Variants in MAN1C1 observed in about 807,000 individuals in gnomAD.
The protein encoded by MAN1C1 is mannosidase alpha class 1C member 1, also known as mannosyl-oligosaccharide 1,2-alpha-mannosidase IC.
MAN1C1 carries 49 observed loss-of-function variants against 71.5 expected under a neutral mutation model. The ratio of observed to expected loss-of-function variants is 0.69; its 90% confidence interval spans 0.54 to 0.87. The LOEUF (loss-of-function observed/expected upper bound fraction) is 0.87. MAN1C1 is among the 40% of genes least tolerant of loss of function. The pLI, the probability that MAN1C1 is intolerant of heterozygous loss-of-function variation, is 0.00. For missense variants in MAN1C1, 743 were observed against 835.0 expected, an observed-to-expected ratio of 0.89 and a Z score of 1.36; for synonymous variants, 352 against 343.7, an observed-to-expected ratio of 1.02 and a Z score of -0.27.
rs1371398372 is a variant in MAN1C1 at position 25,631,580 on chromosome 1, T to A, written c.540+13243T>A. 6.6e-6 allele frequency among the ~76,000 whole-genome samples: 1 copy of A among 152,216 alleles called. No homozygotes were observed. Among genetic ancestry groups the A allele is most frequent in the Non-Finnish European group, 1.5e-5 (1 of 68,046 alleles). ...TTGTATATGTTAGACCATCCCTGCA[T>A]CCCTGCTATGAAACCCACTTGATCA... On this transcript the variant is annotated intron_variant, in intron 1 of 11. Transcript: ENST00000374332. This position sits in a 1 kb window ranked among gnomAD's most constrained non-coding sequence, Gnocchi z 4.2.
At position 25,749,321 on chromosome 1, in the gene MAN1C1, C is replaced by T. The variant is rs200880471; in HGVS notation, c.820C>T (p.Leu274=). The T allele has an allele frequency of 8.7e-6, 14 of 1,611,382 alleles. No individual in the cohort carries two copies. Among genetic ancestry groups the T allele is most frequent in the Non-Finnish European group, 1.2e-5 (14 of 1,178,562 alleles). Reference sequence around the variant, plus strand: ...CGGGGGACTCCTCTCAGCCTTCTACCTGACAGGAGAAGAGGTGGGTTGGCC... The same window carrying T: ...CGGGGGACTCCTCTCAGCCTTCTACTTGACAGGAGAAGAGGTGGGTTGGCC... ...YIGGLLSAFY[L]TGEEVFRIKA... is the part of the protein sequence containing the mutation. Residue 274 remains leucine, a synonymous_variant, in exon 4 of 12, where the codon CTG becomes TTG. Transcript: ENST00000374332.
At chr1:25,716,574 A>G (rs1270297347) in intron 2 of MAN1C1, among the ~76,000 whole-genome samples, 19 of 152,058 alleles carry the variant, frequency 1.2e-4, no homozygotes, top group Admixed American at 1.2e-3. Context: ...CAATCCGCCC[A>G]CCTTGGCCTC....
At chr1:25,626,228 C>A (rs930317466) in intron 1 of MAN1C1, among the ~76,000 whole-genome samples, 2 of 152,220 alleles carry the variant, frequency 1.3e-5, no homozygotes, top group African/African-American at 4.8e-5. Flanking sequence ...GTTCCGCATC[C>A]TTGCCAACAC....
At chr1:25,756,024 C>G (rs2047281611) in intron 5 of MAN1C1, among the ~76,000 whole-genome samples, 1 of 152,158 alleles carries the variant, frequency 6.6e-6, no homozygotes, top group Non-Finnish European at 1.5e-5. Context: ...TGGCCTCGCC[C>G]TCATTCTATG....
intron 1 of MAN1C1, among the ~76,000 whole-genome samples, chr1:25,620,414 C>T (rs1002798348): frequency 2.6e-5 from 4 of 151,526 alleles, no homozygotes; most frequent in African/African-American, 9.8e-5. Flanking sequence ...CTTCCTGCCA[C>T]TGACCACGCT....
chr1:25,752,540 A>G (rs897563103), intron 4 of MAN1C1, among the ~76,000 whole-genome samples: 6 of 152,186 alleles, frequency 3.9e-5, no homozygotes, highest in Non-Finnish European at 5.9e-5. Context: ...CTATTGTTTG[A>G]TATTTAGAAC....
At chr1:25,641,123 G>A (rs766815613) in intron 1 of MAN1C1, among the ~76,000 whole-genome samples, 11 of 152,168 alleles carry the variant, frequency 7.2e-5, no homozygotes, top group African/African-American at 9.7e-5. Flanking sequence ...AAGGGTAGTC[G>A]GGGCTAGGCT....
At chr1:25,780,797 C>T in intron 9 of MAN1C1, 143 bp from the exon 10 acceptor site, 2 of 771,490 alleles carry the variant, frequency 2.6e-6, no homozygotes, top group East Asian at 2.5e-5. Flanking sequence ...CCTTACACAG[C>T]AGTCCAGGCA....
chr1:25,764,733 AAAAC>A lies in MAN1C1; in HGVS notation c.1141+790_1141+793del, dbSNP rs143322859. On this transcript the variant is annotated intron_variant, in intron 7 of 11. Transcript: ENST00000374332. This position sits in a 1 kb window ranked among gnomAD's most constrained non-coding sequence, Gnocchi z 4.4. ...ACGCCTGGCTCCAACTTTAATTTAA[AAAAC>A]AAACAAACAAACAAACAAACAAAAA... Among the ~76,000 whole-genome samples, 2,132 of 152,082 alleles carry A rather than the reference AAAAC, an allele frequency of 0.014. 38 individuals carry two copies. Among genetic ancestry groups the A allele is most frequent in the African/African-American group, 0.039 (1,602 of 41,474 alleles).
In MAN1C1 at chr1:25,768,876, TCA is replaced by T. The variant is rs1279968202; in HGVS notation, c.1142-2773_1142-2772del. Among the ~76,000 whole-genome samples the T allele has an allele frequency of 6.3e-5, 8 of 126,704 alleles. No homozygotes were observed. The East Asian group carries it at 7.8e-4, about 12-fold the overall frequency. 83.1% of individuals were successfully genotyped at this position (126,704 alleles called of 152,430 possible). On this transcript the variant is annotated intron_variant, in intron 7 of 11. Transcript: ENST00000374332. ...TACACTCTCCCTACACACACTCCCC[TCA>T]CACACACCACACACATATTACACAC...
chr1:25,739,884 A>G (rs2047035966), intron 2 of MAN1C1, among the ~76,000 whole-genome samples: 1 of 152,064 alleles, frequency 6.6e-6, no homozygotes, highest in South Asian at 2.1e-4. Flanking sequence ...CTTACCTTTA[A>G]TGCCTCCTAG....
At chr1:25,636,966 C>G (rs749911277) in intron 1 of MAN1C1, among the ~76,000 whole-genome samples, 1 of 151,928 alleles carries the variant, frequency 6.6e-6, no homozygotes, top group Non-Finnish European at 1.5e-5. Context: ...ACCAGCCTGG[C>G]CAGCATAGTG....
intron 1 of MAN1C1, among the ~76,000 whole-genome samples, chr1:25,655,132 C>T (rs1050586833): frequency 1.3e-5 from 2 of 152,178 alleles, no homozygotes; most frequent in Non-Finnish European, 1.5e-5. Flanking sequence ...GAGCTTCAGC[C>T]TCCTTCACCC....
rs1288423835 is a variant in MAN1C1, at chr1:25,778,201, G to A, written c.1354G>A (p.Ala452Thr). The A allele has an allele frequency of 2.0e-5, 32 of 1,613,672 alleles. No homozygotes were observed. The highest frequency in any genetic ancestry group is 2.6e-5 in the Non-Finnish European group (31 of 1,179,816). Residue 452 changes from alanine (A) to threonine (T), a missense_variant, in exon 9 of 12, where the codon GCC (alanine) becomes ACC (threonine). By Grantham distance (58) the Ala-to-Thr change is moderately conservative. Coordinates refer to ENST00000374332, the MANE Select transcript of MAN1C1 (RefSeq NM_020379.4). This position sits in a 1 kb window ranked among gnomAD's most constrained non-coding sequence, Gnocchi z 5.5. ...TCTGGACCACAAGATGGGGCACCTGGCCTGTTTCTCCGGGGGCATGATCGC... is the reference window on the plus strand; with the variant it reads ...TCTGGACCACAAGATGGGGCACCTGACCTGTTTCTCCGGGGGCATGATCGC... ...GILDHKMGHL[A>T]CFSGGMIALG...
At chr1:25,780,846 G>T (rs2047682721) in intron 9 of MAN1C1, 94 bp from the exon 10 acceptor site, 9 of 1,361,872 alleles carry the variant, frequency 6.6e-6, no homozygotes. Flanking sequence ...CATCACCCTG[G>T]CCGCGGGTTC....
intron 1 of MAN1C1, among the ~76,000 whole-genome samples, chr1:25,643,006 G>A (rs974315387): frequency 6.6e-6 from 1 of 152,162 alleles, no homozygotes. Context: ...CATTTGTCAG[G>A]GTTCTGTGGG....
At chr1:25,646,501 G>T (rs1479517599) in intron 1 of MAN1C1, 1 of 152,228 alleles carries the variant, frequency 6.6e-6, no homozygotes, top group African/African-American at 2.4e-5. Flanking sequence ...AATGGCACTA[G>T]GTATAATACA....
intron 8 of MAN1C1, 114 bp downstream of exon 8, chr1:25,771,886 C>T (rs781078891): frequency 1.2e-4 from 89 of 747,068 alleles, no homozygotes; most frequent in Non-Finnish European, 1.9e-4. Context: ...CTTGCTCCCA[C>T]CCCCTGCAAT....
intron 2 of MAN1C1, among the ~76,000 whole-genome samples, chr1:25,720,280 C>T (rs1258062897): frequency 6.6e-6 from 1 of 150,712 alleles, no homozygotes; most frequent in African/African-American, 2.4e-5. Context: ...GGTGCAATCT[C>T]GGCTCACTGC....
Sources: allele counts gnomAD v4.1 joint callset (sites outside exome capture counted in the v4.1 genomes callset), GRCh38; gene constraint gnomAD v4.1.1; non-coding constraint Gnocchi (gnomAD v3.1); transcripts MANE v1.5; gene names NCBI Gene and HGNC (gene_info 2026-07-23, HGNC 2026-07-21).